Variants in AKR1D1 observed in about 807,000 individuals in gnomAD.
The protein encoded by AKR1D1 is aldo-keto reductase family 1 member D1.
In AKR1D1, 32 loss-of-function variants were observed where a neutral mutation model predicts 42.6. The ratio of observed to expected loss-of-function variants is 0.75; its 90% CI spans 0.57 to 1.01. AKR1D1 has a LOEUF of 1.01. AKR1D1 is among the 50% of genes least tolerant of loss of function. AKR1D1 has a pLI of 0.00. For synonymous variants in AKR1D1, 123 were observed against 135.5 expected (o/e 0.91, Z 0.64); for missense variants, 364 against 402.2 (o/e 0.91, Z 0.81).
chr7:138,090,102 T>C (rs948592812), intron 2 of AKR1D1, among the ~76,000 whole-genome samples: 10 of 152,158 alleles, frequency 6.6e-5, no homozygotes, highest in Admixed American at 3.9e-4. Flanking sequence ...ATCATCAGCC[T>C]ATGCCCAGGA....
At chr7:138,082,756 C>T (rs1803084670) in intron 1 of AKR1D1, among the ~76,000 whole-genome samples, 1 of 152,136 alleles carries the variant, frequency 6.6e-6, no homozygotes, top group African/African-American at 2.4e-5. Flanking sequence ...TCCAATTTTT[C>T]ATTGTGGTAT....
At chr7:138,084,210 T>A (rs1803116804) in intron 1 of AKR1D1, among the ~76,000 whole-genome samples, 1 of 152,034 alleles carries the variant, frequency 6.6e-6, no homozygotes, top group African/African-American at 2.4e-5. Flanking sequence ...ATGCCTACTG[T>A]CTTTTCAGTA....
chr7:138,109,126 G>C (rs1403665900), intron 7 of AKR1D1, among the ~76,000 whole-genome samples: 1 of 152,128 alleles, frequency 6.6e-6, no homozygotes, highest in Non-Finnish European at 1.5e-5. Context: ...TTTGTACACT[G>C]AAATATCATA....
At position 138,091,900 on chromosome 7, in the gene AKR1D1, C is replaced by T. The variant is rs748613860; in HGVS notation, c.378+16C>T. The T allele has an allele frequency of 1.3e-6, 2 of 1,568,036 alleles. No homozygotes were observed. Among genetic ancestry groups the T allele is most frequent in the Non-Finnish European group, 1.8e-6 (2 of 1,138,704 alleles). ...GGCCTTTAAGGTGAGTTCAGATGCCCAAAGGTCAGGTCTCTGCACCCTGGC... is the reference window on the plus strand; with the variant it reads ...GGCCTTTAAGGTGAGTTCAGATGCCTAAAGGTCAGGTCTCTGCACCCTGGC... On this transcript the variant is annotated intron_variant, in intron 3 of 8. Coordinates refer to ENST00000242375, the MANE Select transcript of AKR1D1 (RefSeq NM_005989.4).
rs755075482 is a variant in AKR1D1, at chr7:138,076,584, A to G, written c.66A>G (p.Gly22=). Residue 22 remains glycine (G), a synonymous_variant, in exon 1 of 9, where the codon GGA becomes GGG. Coordinates refer to ENST00000242375, the MANE Select transcript of AKR1D1 (RefSeq NM_005989.4). ...ATGGAAACAGCATTCCCATCATCGG[A>G]CTTGGTACCTACTCAGAACCTAAAT... ...LSDGNSIPII[G]LGTYSEPKST... is the part of the protein sequence containing the mutation. 7 of 1,613,360 alleles carry G rather than the reference A, an allele frequency of 4.3e-6. No homozygotes were observed. In the East Asian group the frequency reaches 1.6e-4, roughly 36 times the overall value.
chr7:138,094,665 G>GC (rs1337865872), intron 3 of AKR1D1, among the ~76,000 whole-genome samples: 1 of 152,134 alleles, frequency 6.6e-6, no homozygotes, highest in African/African-American at 2.4e-5. Context: ...ACAGGTGTGT[G>GC]CCACCACACT....
In AKR1D1 at chr7:138,100,439, A is replaced by G. The variant is rs546741353; in HGVS notation, c.456+2496A>G. Among the ~76,000 whole-genome samples, 9 of 152,222 alleles carry G rather than the reference A, an allele frequency of 5.9e-5. No individual in the cohort carries two copies. In the East Asian group the frequency reaches 1.7e-3, roughly 29 times the overall value. On this transcript the variant is annotated intron_variant, in intron 4 of 8. Coordinates refer to ENST00000242375, the MANE Select transcript of AKR1D1 (RefSeq NM_005989.4). Reference sequence around the variant, plus strand: ...AAAGTCACCAACAGGTTAAAAGCAAAAGTCTTTCAAAAAGCAAAAGGATAG... The same window carrying G: ...AAAGTCACCAACAGGTTAAAAGCAAGAGTCTTTCAAAAAGCAAAAGGATAG...
At chr7:138,086,365 T>C (rs1395758875) in intron 1 of AKR1D1, among the ~76,000 whole-genome samples, 1 of 152,248 alleles carries the variant, frequency 6.6e-6, no homozygotes, top group East Asian at 1.9e-4. Flanking sequence ...TTCTGGCCTT[T>C]TGACTCAATT....
At chr7:138,090,813 C>A (rs1412347495) in intron 2 of AKR1D1, among the ~76,000 whole-genome samples, 1 of 152,112 alleles carries the variant, frequency 6.6e-6, no homozygotes, top group African/African-American at 2.4e-5. Context: ...TAGGATCAAC[C>A]AAACCTTGAT....
intron 1 of AKR1D1, among the ~76,000 whole-genome samples, chr7:138,078,081 C>A (rs546690367): frequency 1.3e-5 from 2 of 152,294 alleles, no homozygotes; most frequent in East Asian, 3.9e-4. Flanking sequence ...TCTGACTCAA[C>A]CTCCTGAGTA....
intron 1 of AKR1D1, among the ~76,000 whole-genome samples, chr7:138,080,079 A>G (rs186474658): frequency 3.8e-4 from 58 of 152,286 alleles, no homozygotes; most frequent in African/African-American, 1.4e-3. Context: ...CACACAGTAA[A>G]TGGGTAGGAA....
At chr7:138,116,532 T>C (rs1174508231) in intron 8 of AKR1D1, 88 bp from the exon 9 acceptor site, 2 of 1,365,118 alleles carry the variant, frequency 1.5e-6, no homozygotes, top group African/African-American at 2.9e-5. Context: ...GGGGTAGTGG[T>C]CAGTGAAATT....
chr7:138,091,374 G>A, intron 2 of AKR1D1: 1 of 266,204 alleles, frequency 3.8e-6, no homozygotes, highest in South Asian at 4.2e-5. Flanking sequence ...AAGGAGGAGG[G>A]TTTTTAGGTC....
At chr7:138,105,184 G>T (rs369003029) in intron 4 of AKR1D1, 123 bp from the exon 5 acceptor site, 7 of 1,374,332 alleles carry the variant, frequency 5.1e-6, no homozygotes, top group Admixed American at 1.9e-5. Flanking sequence ...ACTTTTTTTC[G>T]CAAGATGCTT....
At chr7:138,103,668 T>C (rs10280818) in intron 4 of AKR1D1, among the ~76,000 whole-genome samples, 83,178 of 151,752 alleles carry the variant, frequency 0.55, 23,295 homozygotes, top group Middle Eastern at 0.62. Context: ...CCGGAAAAAG[T>C]TGGTATTACT....
At chr7:138,100,087 TCAAAAAA>T (rs1562935350) in intron 4 of AKR1D1, among the ~76,000 whole-genome samples, 1 of 6,986 alleles carries the variant, frequency 1.4e-4, no homozygotes, top group Non-Finnish European at 2.4e-4. Flanking sequence ...AGATTTCATC[TCAAAAAA>T]AAAAAAAAAA....
At chr7:138,105,509 C>T in intron 5 of AKR1D1, 80 bp downstream of exon 5, 4 of 1,582,068 alleles carry the variant, frequency 2.5e-6, no homozygotes, top group South Asian at 1.1e-5. Context: ...AGCTGGGAGT[C>T]AGGAAGGCTC....
intron 1 of AKR1D1, among the ~76,000 whole-genome samples, chr7:138,086,909 C>T (rs1349818167): frequency 1.3e-5 from 2 of 152,172 alleles, no homozygotes; most frequent in Non-Finnish European, 2.9e-5. Context: ...TGTTTGTCTT[C>T]AGAGAAATCT....
chr7:138,098,294 A>C, intron 4 of AKR1D1: 1 of 202,122 alleles, frequency 4.9e-6, no homozygotes, highest in East Asian at 1.3e-4. Context: ...ACAAGAAACA[A>C]ACTTAAAATG....
Sources: allele counts gnomAD v4.1 joint callset (sites outside exome capture counted in the v4.1 genomes callset), GRCh38; gene constraint gnomAD v4.1.1; transcripts MANE v1.5; gene names NCBI Gene and HGNC (gene_info 2026-07-23, HGNC 2026-07-21).